Variants in PTH2R observed in about 807,000 individuals in gnomAD.
The protein encoded by PTH2R is PTH2 receptor.
In PTH2R, 59 loss-of-function variants were observed where a neutral mutation model predicts 60.3. The observed-to-expected ratio is 0.98, with a 90% CI of 0.79 to 1.22. The LOEUF (loss-of-function observed/expected upper bound fraction) is 1.22, where lower values mean the gene tolerates loss of function less well. Among genes scored for constraint, PTH2R ranks in the 50% most tolerant of loss-of-function variants. The pLI is 0.00. For missense variants in PTH2R, 749 were observed against 682.6 expected (o/e 1.10, Z -1.08); for synonymous variants, 256 against 243.8 (o/e 1.05, Z -0.47).
upstream of PTH2R, among the ~76,000 whole-genome samples, chr2:208,404,016 T>G (rs1210711285): frequency 6.6e-6 from 1 of 152,148 alleles, no homozygotes; most frequent in Non-Finnish European, 1.5e-5. Context: ...GAGCCCATAA[T>G]CATGGGAAGG....
At chr2:208,388,140 C>T (rs942078275) in intron 1 of PTH2R, among the ~76,000 whole-genome samples, 2 of 149,576 alleles carry the variant, frequency 1.3e-5, no homozygotes, top group African/African-American at 4.9e-5. Context: ...AAACCCCCCC[C>T]CCCGTCTCTA....
chr2:208,488,871 A>G (rs1286357211), intron 10 of PTH2R, 141 bp from the exon 11 acceptor site: 6 of 853,592 alleles, frequency 7.0e-6, no homozygotes, highest in Non-Finnish European at 1.8e-6. Flanking sequence ...ATAGAGTGAA[A>G]CCCTGTCTCA....
chr2:208,381,917 G>T (rs1700921819), intron 1 of PTH2R, among the ~76,000 whole-genome samples: 1 of 152,106 alleles, frequency 6.6e-6, no homozygotes, highest in Admixed American at 6.5e-5. Flanking sequence ...CTTGGACCCT[G>T]GGTAGGAATT....
chr2:208,429,161 CA>C (rs1701920465), intron 2 of PTH2R, among the ~76,000 whole-genome samples: 2 of 151,010 alleles, frequency 1.3e-5, no homozygotes, highest in Non-Finnish European at 2.9e-5. Flanking sequence ...ATGTGGTCTT[CA>C]AAGGTATGTA....
Position 208,489,124 on chromosome 2 carries a change from T to C in PTH2R, c.1189T>C (p.Cys397Arg). The change falls in exon 11 of 13, where the codon TGT becomes CGT. Residue 397 changes from cysteine (C) to arginine (R), a missense_variant. Cys to Arg is a radical substitution (Grantham distance 180). Transcript: ENST00000272847. ...GCTCGGGTGGGAGATCCGCATGCAC[T>C]GTGAGCTCTTCTTCAACTCCTTTCA... Reference protein sequence around the residue: ...TGLGWEIRMHCELFFNSFQGF... With the variant: ...TGLGWEIRMHRELFFNSFQGF... 1 of 1,614,176 alleles carries C rather than the reference T, an allele frequency of 6.2e-7. No individual in the cohort carries two copies. The highest frequency in any genetic ancestry group is 8.5e-7 in the Non-Finnish European group (1 of 1,180,030).
rs1700808996 is a variant in PTH2R at position 208,377,182 on chromosome 2, G to C, written c.-259+16945G>C. On this transcript the variant is annotated intron_variant, in intron 1 of 12. Transcript: ENST00000617735. ...CAGCACATGTTTCAGAGAGCACAGG[G>C]TTGGGGGTAAGGTCATAGATCAACA... Among the ~76,000 whole-genome samples the C allele has an allele frequency of 2.6e-5, 4 of 152,188 alleles. No homozygotes were observed. The South Asian group carries it at 8.3e-4, about 32-fold the overall frequency.
At chr2:208,425,582 C>T (rs999906595) in intron 1 of PTH2R, among the ~76,000 whole-genome samples, 3 of 152,182 alleles carry the variant, frequency 2.0e-5, no homozygotes, top group Admixed American at 1.3e-4. Flanking sequence ...GGAATAGTAC[C>T]TCTGCTGCTG....
chr2:208,470,623 A>G (rs1157780210), intron 9 of PTH2R, among the ~76,000 whole-genome samples: 1 of 152,192 alleles, frequency 6.6e-6, no homozygotes, highest in Non-Finnish European at 1.5e-5. Flanking sequence ...CCCCAGCCGC[A>G]TGGAACTGTA....
chr2:208,465,881 A>AT (rs202198294), intron 9 of PTH2R, among the ~76,000 whole-genome samples: 30 of 149,608 alleles, frequency 2.0e-4, no homozygotes, highest in South Asian at 6.4e-4. Flanking sequence ...CTGTCAAGAA[A>AT]TTTTTTTTTT....
chr2:208,415,749 T>C (rs1701628114), intron 1 of PTH2R, among the ~76,000 whole-genome samples: 1 of 151,990 alleles, frequency 6.6e-6, no homozygotes, highest in Admixed American at 6.6e-5. Context: ...TCAGAAAAAA[T>C]TAGAAAATTT....
chr2:208,480,088 TG>T (rs1703111471), intron 9 of PTH2R, among the ~76,000 whole-genome samples: 1 of 152,104 alleles, frequency 6.6e-6, no homozygotes, highest in Non-Finnish European at 1.5e-5. Flanking sequence ...GTGAGTTTGG[TG>T]GGGTGTTCAG....
chr2:208,363,128 G>A (rs1700511297), intron 1 of PTH2R, among the ~76,000 whole-genome samples: 1 of 152,076 alleles, frequency 6.6e-6, no homozygotes, highest in African/African-American at 2.4e-5. Context: ...GGTCGCCTAG[G>A]TAAATGAGCA....
At chr2:208,365,838 A>G (rs1262617179) in intron 1 of PTH2R, among the ~76,000 whole-genome samples, 1 of 141,810 alleles carries the variant, frequency 7.1e-6, no homozygotes, top group South Asian at 2.2e-4. Flanking sequence ...TCCTGGGCTC[A>G]AGCAATTCTG....
At chr2:208,453,273 C>T (rs1473878109) in intron 8 of PTH2R, among the ~76,000 whole-genome samples, 3 of 152,178 alleles carry the variant, frequency 2.0e-5, no homozygotes, top group Non-Finnish European at 4.4e-5. Flanking sequence ...TGCATGTATA[C>T]ATGCAGTGTT....
intron 1 of PTH2R, among the ~76,000 whole-genome samples, chr2:208,397,513 G>A (rs1701233849): frequency 6.6e-6 from 1 of 152,150 alleles, no homozygotes; most frequent in South Asian, 2.1e-4. Context: ...GTGGCTTTAG[G>A]GAGTGGAGAA....
At chr2:208,377,539 C>G (rs71418683) in intron 1 of PTH2R, among the ~76,000 whole-genome samples, 1 of 143,824 alleles carries the variant, frequency 7.0e-6, no homozygotes, top group African/African-American at 2.7e-5. Context: ...GCTGGCCGGG[C>G]GGGGGCTGAC....
At chr2:208,407,699 C>A (rs1559210749) in intron 1 of PTH2R, among the ~76,000 whole-genome samples, 1 of 151,990 alleles carries the variant, frequency 6.6e-6, no homozygotes, top group Non-Finnish European at 1.5e-5. Context: ...ATTTTCTGGG[C>A]GATCTTTCAC....
intron 1 of PTH2R, among the ~76,000 whole-genome samples, chr2:208,366,261 T>G (rs887803679): frequency 2.6e-5 from 4 of 152,016 alleles, no homozygotes; most frequent in Non-Finnish European, 4.4e-5. Context: ...TCTTCATGAT[T>G]CAGTCTTGGC....
At chr2:208,378,225 C>T (rs1257099594) in intron 1 of PTH2R, among the ~76,000 whole-genome samples, 2 of 150,982 alleles carry the variant, frequency 1.3e-5, no homozygotes, top group Admixed American at 6.6e-5. Context: ...ATACGAAAAC[C>T]AGTCAGGCGT....
Sources: allele counts gnomAD v4.1 joint callset (sites outside exome capture counted in the v4.1 genomes callset), GRCh38; gene constraint gnomAD v4.1.1; transcripts MANE v1.5; gene names NCBI Gene and HGNC (gene_info 2026-07-23, HGNC 2026-07-21).